ACVR2A: variants seen among roughly 807,000 people sequenced by gnomAD.
The protein encoded by ACVR2A is activin receptor type-2A.
In ACVR2A, 7 loss-of-function variants were observed where a neutral mutation model predicts 61.4. The ratio of observed to expected loss-of-function variants is 0.11; its 90% CI spans 0.06 to 0.21. The LOEUF is 0.21. Ranked by LOEUF, ACVR2A falls within the 10% of genes least tolerant of loss-of-function variation. The pLI, the probability that ACVR2A is intolerant of heterozygous loss-of-function variation, is 1.00. For synonymous variants in ACVR2A, 193 were observed against 208.3 expected (o/e 0.93, Z 0.63); for missense variants, 322 against 621.7 (o/e 0.52, Z 5.13).
chr2:147,901,414 A>AT (rs990115976), intron 4 of ACVR2A, among the ~76,000 whole-genome samples: 4 of 152,050 alleles, frequency 2.6e-5, no homozygotes, highest in African/African-American at 9.7e-5. Context: ...TGTTACAAAA[A>AT]TGTGCTTAAA....
upstream of ACVR2A, chr2:147,844,869 T>G: frequency 3.6e-5 from 12 of 330,080 alleles, no homozygotes; most frequent in East Asian, 1.6e-4. Context: ...TAAACCCGCT[T>G]TTGTTGTTGT....
chr2:147,876,896 A>T (rs1686170402), intron 1 of ACVR2A, among the ~76,000 whole-genome samples: 1 of 152,104 alleles, frequency 6.6e-6, no homozygotes, highest in South Asian at 2.1e-4. Flanking sequence ...TGTCCTTTCA[A>T]CTACATTTTG....
intron 4 of ACVR2A, among the ~76,000 whole-genome samples, chr2:147,906,732 A>G (rs1236457508): frequency 6.6e-6 from 1 of 151,772 alleles, no homozygotes; most frequent in Non-Finnish European, 1.5e-5. Context: ...TTTGAGTATT[A>G]TATCAGGCAC....
At chr2:147,860,025 G>A (rs1265732067) in intron 1 of ACVR2A, among the ~76,000 whole-genome samples, 1 of 152,150 alleles carries the variant, frequency 6.6e-6, no homozygotes, top group Non-Finnish European at 1.5e-5. Context: ...TTGAGACAAA[G>A]CATTGGCTTT....
intron 1 of ACVR2A, among the ~76,000 whole-genome samples, chr2:147,851,495 A>G (rs1302680859): frequency 1.3e-5 from 2 of 152,102 alleles, no homozygotes; most frequent in Non-Finnish European, 2.9e-5. Flanking sequence ...TATTCCATCC[A>G]TACAGACTTG....
At chr2:147,893,396 CAT>C (rs781397460) in intron 1 of ACVR2A, among the ~76,000 whole-genome samples, 5 of 152,180 alleles carry the variant, frequency 3.3e-5, no homozygotes, top group African/African-American at 7.2e-5. Flanking sequence ...GATACCTACA[CAT>C]GTGATTGCTG....
intron 4 of ACVR2A, among the ~76,000 whole-genome samples, chr2:147,911,321 C>T (rs1032928624): frequency 6.6e-6 from 1 of 152,096 alleles, no homozygotes; most frequent in African/African-American, 2.4e-5. Context: ...ACCTATCTCT[C>T]ATATCTAAGG....
chr2:147,859,499 A>G (rs1334199940), intron 1 of ACVR2A, among the ~76,000 whole-genome samples: 1 of 152,056 alleles, frequency 6.6e-6, no homozygotes, highest in Admixed American at 6.5e-5. Flanking sequence ...CAAAAAAAAA[A>G]AAAAGAAAAT....
rs1418484195 is a variant in ACVR2A, at chr2:147,863,366, A to C, written c.55+18159A>C. ...TTCTCCACCTCTGAAATGAAAGTAC[A>C]CTGCTTGACCCTTGAACAACGTGGG... On this transcript the variant is annotated intron_variant, in intron 1 of 10. Coordinates refer to ENST00000241416, the MANE Select transcript of ACVR2A (RefSeq NM_001616.5). Among the ~76,000 whole-genome samples, 3 of 152,172 alleles carry C rather than the reference A, an allele frequency of 2.0e-5. No homozygotes were observed. The East Asian group carries it at 5.8e-4, about 29-fold the overall frequency.
intron 1 of ACVR2A, among the ~76,000 whole-genome samples, chr2:147,889,395 A>G (rs1180210653): frequency 2.0e-5 from 3 of 152,188 alleles, no homozygotes; most frequent in African/African-American, 4.8e-5. Context: ...GTTTTTAAAA[A>G]ACAAAACTTG....
chr2:147,879,247 T>A (rs538398737), intron 1 of ACVR2A, among the ~76,000 whole-genome samples: 84 of 152,278 alleles, frequency 5.5e-4, no homozygotes, highest in African/African-American at 1.9e-3. Flanking sequence ...AAATTTCTTC[T>A]CTTACAGTTC....
At position 147,927,438 on chromosome 2, in the gene ACVR2A, C is replaced by A; in HGVS notation, c.*164C>A. 1 of 644,048 alleles carries A rather than the reference C, an allele frequency of 1.6e-6. No homozygotes were observed. Among genetic ancestry groups the A allele is most frequent in the Non-Finnish European group, 2.5e-6 (1 of 395,316 alleles). 39.9% of individuals were successfully genotyped at this position (644,048 alleles called of 1,614,324 possible). On this transcript the variant is annotated 3_prime_UTR_variant, in exon 11 of 11. Transcript: ENST00000241416. ...GAAAAATGTTGCTCTGGGAGACTTA[C>A]TGCATTGCCGACAGCACAGATGTGA... is the stretch of plus-strand genomic sequence containing the variant.
At chr2:147,860,652 A>G (rs1685704913) in intron 1 of ACVR2A, among the ~76,000 whole-genome samples, 1 of 152,176 alleles carries the variant, frequency 6.6e-6, no homozygotes, top group South Asian at 2.1e-4. Context: ...GAAGAAAAAG[A>G]TTGATGGGAA....
At chr2:147,850,862 A>G (rs1685427456) in intron 1 of ACVR2A, among the ~76,000 whole-genome samples, 1 of 152,100 alleles carries the variant, frequency 6.6e-6, no homozygotes, top group South Asian at 2.1e-4. Flanking sequence ...CTTAAAGGAA[A>G]TATGTTTTTG....
intron 4 of ACVR2A, among the ~76,000 whole-genome samples, chr2:147,907,837 CCAACATGGGAAAA>C (rs1202192512): frequency 1.3e-5 from 2 of 151,576 alleles, no homozygotes; most frequent in African/African-American, 2.4e-5. Context: ...ACCAGCCTGG[CCAACATGGGAAAA>C]CAACATGGGG....
At position 147,899,865 on chromosome 2, in the gene ACVR2A, G is replaced by A; in HGVS notation, c.495G>A (p.Lys165=). The change falls in exon 4 of 11, where the codon AAG becomes AAA. Residue 165 remains lysine, a synonymous_variant. Coordinates refer to ENST00000241416, the MANE Select transcript of ACVR2A (RefSeq NM_001616.5). ...CATTTTGGGTGTACAGGCATCACAA[G>A]ATGGCCTACCCTCCTGTACTTGTTC... ...ICAFWVYRHH[K]MAYPPVLVPT... is the part of the protein sequence containing the mutation. 6.2e-7 allele frequency: 1 copy of A among 1,613,634 alleles called. No individual in the cohort carries two copies. Among genetic ancestry groups the A allele is most frequent in the Non-Finnish European group, 8.5e-7 (1 of 1,179,670 alleles).
At chr2:147,856,023 A>G (rs912736839) in intron 1 of ACVR2A, among the ~76,000 whole-genome samples, 1 of 152,182 alleles carries the variant, frequency 6.6e-6, no homozygotes, top group African/African-American at 2.4e-5. Context: ...AATTCTTAGA[A>G]ATTTGATATC....
chr2:147,915,984 C>A (rs1447790317), intron 5 of ACVR2A, among the ~76,000 whole-genome samples: 2 of 151,860 alleles, frequency 1.3e-5, no homozygotes, highest in African/African-American at 4.8e-5. Flanking sequence ...TATACCCTGG[C>A]AGCTCATGAT....
chr2:147,877,379 A>C (rs892142303), intron 1 of ACVR2A: 1 of 152,208 alleles, frequency 6.6e-6, no homozygotes, highest in African/African-American at 2.4e-5. Context: ...CAAAAGTCAC[A>C]AAGTTTTTTT....
Sources: gnomAD v4.1 joint callset for allele counts (sites outside exome capture counted in the v4.1 genomes callset) on GRCh38, gnomAD v4.1.1 for gene constraint, MANE v1.5 for transcripts, NCBI Gene and HGNC (gene_info 2026-07-23, HGNC 2026-07-21) for gene names.